Variants in GRID2IP observed in about 807,000 individuals in gnomAD.
GRID2IP encodes Grid2 interacting protein.
In GRID2IP, 78 loss-of-function variants were observed where a neutral mutation model predicts 114.3. The ratio of observed to expected loss-of-function variants is 0.68; its 90% CI spans 0.57 to 0.82. The LOEUF is 0.82. Ranked by LOEUF, GRID2IP falls within the 40% of genes least tolerant of loss-of-function variation. The pLI is 0.00. For synonymous variants in GRID2IP, 809 were observed against 724.0 expected, an observed-to-expected ratio of 1.12 and a Z score of -1.89; for missense variants, 1,727 against 1,678.5, an observed-to-expected ratio of 1.03 and a Z score of -0.51.
intron 1 of GRID2IP, among the ~76,000 whole-genome samples, chr7:6,545,456 A>G (rs73674131): frequency 0.039 from 5,930 of 152,254 alleles, 407 homozygotes; most frequent in African/African-American, 0.13. Flanking sequence ...AACCCCAGAC[A>G]GTGACTCTCA....
At chr7:6,514,054 C>A (rs1177560263) in intron 8 of GRID2IP, among the ~76,000 whole-genome samples, 1 of 151,672 alleles carries the variant, frequency 6.6e-6, no homozygotes, top group African/African-American at 2.4e-5. Context: ...GAGATAGAGA[C>A]CATCATGGTT....
At chr7:6,545,303 T>C (rs559078602) in intron 1 of GRID2IP, among the ~76,000 whole-genome samples, 104 of 151,982 alleles carry the variant, frequency 6.8e-4, no homozygotes, top group African/African-American at 2.1e-3. Flanking sequence ...TAAAAGACAA[T>C]CCTCCTTTGA....
At chr7:6,525,392 C>T (rs1255601709) in intron 4 of GRID2IP, among the ~76,000 whole-genome samples, 1 of 152,062 alleles carries the variant, frequency 6.6e-6, no homozygotes, top group East Asian at 1.9e-4. Flanking sequence ...GAGGCCAAGG[C>T]GGGAGGATTA....
In GRID2IP at chr7:6,516,109, AT is replaced by A. The variant is rs1779292599; in HGVS notation, c.1269-1581del. On this transcript the variant is annotated intron_variant, in intron 7 of 21. Transcript: ENST00000457091. This position sits in a 1 kb window ranked among gnomAD's most constrained non-coding sequence, Gnocchi z 4.3. ...AAGACCCCGTCTCAAAATAATAATAATAAAAAATAAATAAATAAATAAATAA... is the reference window on the plus strand; with the variant it reads ...AAGACCCCGTCTCAAAATAATAATAAAAAAAATAAATAAATAAATAAATAA... 2.4e-5 allele frequency among the ~76,000 whole-genome samples: 2 copies of A among 82,076 alleles called. No individual in the cohort carries two copies. Among genetic ancestry groups the A allele is most frequent in the Non-Finnish European group, 3.4e-5 (1 of 29,328 alleles). 53.8% of individuals were successfully genotyped at this position (82,076 alleles called of 152,430 possible).
chr7:6,540,189 T>C (rs1779792105), intron 1 of GRID2IP, among the ~76,000 whole-genome samples: 1 of 143,184 alleles, frequency 7.0e-6, no homozygotes, highest in African/African-American at 2.6e-5. Context: ...CTTGGCACAC[T>C]AGAACCTCCA....
Position 6,521,310 on chromosome 7 carries a change from G to C in GRID2IP, c.1084+119C>G. 1 of 678,688 alleles carries C rather than the reference G, an allele frequency of 1.5e-6. No individual in the cohort carries two copies. Among genetic ancestry groups the C allele is most frequent in the Non-Finnish European group, 2.5e-6 (1 of 406,778 alleles). The allele number at this position is 678,688 out of a possible 1,614,324, so 42.0% of individuals were successfully genotyped here. ...TAGCACCACTTAGGAGGCAGCCCCG[G>C]GGAGGCAAGCTGCAGGTTTAGGGGA... On this transcript the variant is annotated intron_variant, in intron 6 of 21. Coordinates refer to ENST00000457091, the MANE Select transcript of GRID2IP (RefSeq NM_001145118.2). The surrounding 1 kb of genome is among the most constrained non-coding windows in gnomAD (Gnocchi z 4.1).
At chr7:6,517,648 C>G (rs919515805) in intron 7 of GRID2IP, among the ~76,000 whole-genome samples, 1 of 151,950 alleles carries the variant, frequency 6.6e-6, no homozygotes, top group Admixed American at 6.6e-5. Context: ...GCTCACAAGT[C>G]ATCCCAGCAC....
In GRID2IP at chr7:6,508,523, T is replaced by A; in HGVS notation, c.2128-122A>T. On this transcript the variant is annotated intron_variant, in intron 12 of 21. Transcript: ENST00000457091. This position sits in a 1 kb window ranked among gnomAD's most constrained non-coding sequence, Gnocchi z 5.6. Reference sequence around the variant, plus strand: ...GACAGGGCCATCTCACGGGTTAGCCTCAGGCTGTGAGGGACACCTGGGCTA... The same window carrying A: ...GACAGGGCCATCTCACGGGTTAGCCACAGGCTGTGAGGGACACCTGGGCTA... 6.8e-7 allele frequency: 1 copy of A among 1,472,214 alleles called. No homozygotes were observed. The highest frequency in any genetic ancestry group is 9.1e-7 in the Non-Finnish European group (1 of 1,103,330). 91.2% of individuals were successfully genotyped at this position (1,472,214 alleles called of 1,614,324 possible).
In GRID2IP at chr7:6,536,981, A is replaced by T; in HGVS notation, c.584+2737T>A. The T allele has an allele frequency of 3.9e-5, 3 of 77,356 alleles. No homozygotes were observed. The highest frequency in any genetic ancestry group is 5.0e-5 in the Non-Finnish European group (2 of 39,772). The allele number at this position is 77,356 out of a possible 1,614,324, so 4.8% of individuals were successfully genotyped here. A position where few individuals can be genotyped will look rare whatever the true frequency, so the allele number is the denominator to read the frequency against. ...ATTGGCCAGGCCCAGAGGGAGGGGC[A>T]GGCTGCGGGGTGAATGGCAGCAAGG... is the stretch of plus-strand genomic sequence containing the variant. On this transcript the variant is annotated intron_variant, in intron 2 of 21. Coordinates refer to ENST00000457091, the MANE Select transcript of GRID2IP (RefSeq NM_001145118.2). This position sits in a 1 kb window ranked among gnomAD's most constrained non-coding sequence, Gnocchi z 5.3.
chr7:6,498,570 TAC>T lies in GRID2IP; in HGVS notation c.3400-344_3400-343del, dbSNP rs369288774. ...GGCCCCTCTGTCACTCTCTAGGCCT[TAC>T]TTTTTTTTTTTTTTTTTTTTTTTTT... On this transcript the variant is annotated intron_variant, in intron 20 of 21. Transcript: ENST00000457091. 9.6e-5 allele frequency among the ~76,000 whole-genome samples: 13 copies of T among 135,144 alleles called. No individual in the cohort carries two copies. The East Asian group carries it at 2.0e-3, about 21-fold the overall frequency. 88.7% of individuals were successfully genotyped at this position (135,144 alleles called of 152,430 possible). A position where few individuals can be genotyped will look rare whatever the true frequency, so the allele number is the denominator to read the frequency against.
rs774545370 is a variant in GRID2IP at position 6,521,966 on chromosome 7, A to C, written c.920-9T>G. 2 of 1,550,586 alleles carry C rather than the reference A, an allele frequency of 1.3e-6. No individual in the cohort carries two copies. The highest frequency in any genetic ancestry group is 2.4e-5 in the South Asian group (2 of 84,048). On this transcript the variant is annotated splice_polypyrimidine_tract_variant and intron_variant, in intron 4 of 21. Coordinates refer to ENST00000457091, the MANE Select transcript of GRID2IP (RefSeq NM_001145118.2). This position sits in a 1 kb window ranked among gnomAD's most constrained non-coding sequence, Gnocchi z 4.1. Reference sequence around the variant, plus strand: ...ATTGTCAGCTGGGCTCCCTGGAAGCAAGAAGAGAGGGTGTGCCGGTCAGCT... The same window carrying C: ...ATTGTCAGCTGGGCTCCCTGGAAGCCAGAAGAGAGGGTGTGCCGGTCAGCT...
chr7:6,531,166 G>C (rs1583349273), intron 2 of GRID2IP: 1 of 486,344 alleles, frequency 2.1e-6, no homozygotes, highest in East Asian at 3.5e-5. Context: ...CCCAGGAATG[G>C]AGCGAGCGCG....
intron 15 of GRID2IP, among the ~76,000 whole-genome samples, chr7:6,504,112 C>G (rs1478594020): frequency 4.7e-5 from 6 of 128,678 alleles, no homozygotes; most frequent in Non-Finnish European, 8.0e-5. Flanking sequence ...TGGAGGAACT[C>G]TAGAGGGGTG....
At chr7:6,540,355 G>A (rs1298986181) in intron 1 of GRID2IP, among the ~76,000 whole-genome samples, 5 of 151,844 alleles carry the variant, frequency 3.3e-5, no homozygotes, top group Middle Eastern at 3.4e-3. Flanking sequence ...CAGGTGATCC[G>A]CCCGCCTCGG....
chr7:6,530,000 A>C (rs1439961715), intron 2 of GRID2IP, among the ~76,000 whole-genome samples: 68 of 140,414 alleles, frequency 4.8e-4, no homozygotes, highest in South Asian at 4.7e-3. Flanking sequence ...GCTCTGTCAC[A>C]CAGGCTGGAG....
At chr7:6,539,488 A>G (rs1779780007) in intron 2 of GRID2IP, among the ~76,000 whole-genome samples, 1 of 151,988 alleles carries the variant, frequency 6.6e-6, no homozygotes, top group Non-Finnish European at 1.5e-5. Flanking sequence ...CCCTTCTCCC[A>G]TCACTCAAGG....
rs1002835555 is a variant in GRID2IP at position 6,512,231 on chromosome 7, C to CTTTTTTTTTTT, written c.1424-1203_1424-1193dup. ...CACACCTGCCTTTTTTTCTTTTCTT[C>CTTTTTTTTTTT]TTTTTTTTTTTTTTTTTTGTGACAG... On this transcript the variant is annotated intron_variant, in intron 8 of 21. Coordinates refer to ENST00000457091, the MANE Select transcript of GRID2IP (RefSeq NM_001145118.2). Among the ~76,000 whole-genome samples, 607 of 90,166 alleles carry CTTTTTTTTTTT rather than the reference C, an allele frequency of 6.7e-3. 69 individuals carry two copies. The highest frequency in any genetic ancestry group is 0.025 in the African/African-American group (544 of 21,678). 59.2% of individuals were successfully genotyped at this position (90,166 alleles called of 152,430 possible). A position where few individuals can be genotyped will look rare whatever the true frequency, so the allele number is the denominator to read the frequency against.
intron 1 of GRID2IP, among the ~76,000 whole-genome samples, chr7:6,546,773 G>A (rs1456175944): frequency 6.6e-6 from 1 of 152,020 alleles, no homozygotes; most frequent in African/African-American, 2.4e-5. Context: ...ACCCTCAGCG[G>A]GTTGCTGCCC....
rs1779719070 is a variant in GRID2IP, at chr7:6,536,152, G to T, written c.584+3566C>A. ...CTATGGGGCCATGGGTGACTGGCCAGCCCTGGGGAGGGGGTTGTTGGGAAG... is the reference window on the plus strand; with the variant it reads ...CTATGGGGCCATGGGTGACTGGCCATCCCTGGGGAGGGGGTTGTTGGGAAG... On this transcript the variant is annotated intron_variant, in intron 2 of 21. Transcript: ENST00000457091. This position sits in a 1 kb window ranked among gnomAD's most constrained non-coding sequence, Gnocchi z 5.3. 6.6e-6 allele frequency among the ~76,000 whole-genome samples: 1 copy of T among 152,188 alleles called. No homozygotes were observed. Among genetic ancestry groups the T allele is most frequent in the Non-Finnish European group, 1.5e-5 (1 of 68,026 alleles).
Sources: gnomAD v4.1 joint callset for allele counts (sites outside exome capture counted in the v4.1 genomes callset) on GRCh38, gnomAD v4.1.1 for gene constraint, Gnocchi (gnomAD v3.1) non-coding constraint, MANE v1.5 for transcripts, NCBI Gene and HGNC (gene_info 2026-07-23, HGNC 2026-07-21) for gene names.